CRTAC1: variants seen among roughly 807,000 people sequenced by gnomAD.
CRTAC1 encodes the protein acidic secreted protein in cartilage.
In CRTAC1, 37 loss-of-function variants were observed where a neutral mutation model predicts 67.8. The ratio of observed to expected loss-of-function variants is 0.55; its 90% CI spans 0.42 to 0.72. CRTAC1 has a LOEUF of 0.72. Ranked by LOEUF, CRTAC1 falls within the 30% of genes least tolerant of loss-of-function variation. The pLI, the probability that CRTAC1 is intolerant of heterozygous loss-of-function variation, is 0.00. For synonymous variants in CRTAC1, 348 were observed against 371.0 expected, an observed-to-expected ratio of 0.94 and a Z score of 0.71; for missense variants, 780 against 931.6, an observed-to-expected ratio of 0.84 and a Z score of 2.12.
intron 2 of CRTAC1, among the ~76,000 whole-genome samples, chr10:97,988,447 T>A (rs1261134955): frequency 6.6e-6 from 1 of 152,002 alleles, no homozygotes; most frequent in Non-Finnish European, 1.5e-5. Context: ...GGTGGCTGGG[T>A]GTGGTGGCTC....
chr10:97,988,311 T>C (rs1262577909), intron 2 of CRTAC1, among the ~76,000 whole-genome samples: 1 of 151,678 alleles, frequency 6.6e-6, no homozygotes, highest in Non-Finnish European at 1.5e-5. Flanking sequence ...ATCAAAAGAG[T>C]TCTGACTAAT....
intron 11 of CRTAC1, among the ~76,000 whole-genome samples, chr10:97,885,580 C>T (rs1340986902): frequency 6.6e-6 from 1 of 152,220 alleles, no homozygotes; most frequent in East Asian, 1.9e-4. Context: ...CAGGCCCCAG[C>T]TCCCCGCGTA....
intron 2 of CRTAC1, among the ~76,000 whole-genome samples, chr10:97,998,960 A>G (rs1842636706): frequency 6.6e-6 from 1 of 152,214 alleles, no homozygotes; most frequent in Non-Finnish European, 1.5e-5. Context: ...ACAAAAGTAG[A>G]GGTATAAATC....
chr10:97,926,029 G>A (rs1051359775), intron 3 of CRTAC1, among the ~76,000 whole-genome samples: 1 of 152,156 alleles, frequency 6.6e-6, no homozygotes, highest in Non-Finnish European at 1.5e-5. Context: ...CGACAGCAGG[G>A]AACCGGCACC....
chr10:97,946,435 G>A (rs946613841), intron 2 of CRTAC1, among the ~76,000 whole-genome samples: 1 of 152,124 alleles, frequency 6.6e-6, no homozygotes, highest in African/African-American at 2.4e-5. Context: ...TCACATCTCA[G>A]CTTCAGGACC....
intron 2 of CRTAC1, among the ~76,000 whole-genome samples, chr10:98,007,288 G>A (rs1230189026): frequency 2.0e-5 from 3 of 152,096 alleles, no homozygotes; most frequent in Non-Finnish European, 4.4e-5. Flanking sequence ...GGCAAGGGGT[G>A]GACCAAATGA....
chr10:98,030,302 G>T lies in CRTAC1; in HGVS notation c.24+147C>A. The T allele has an allele frequency of 2.1e-6, 1 of 475,860 alleles. No individual in the cohort carries two copies. Among genetic ancestry groups the T allele is most frequent in the Non-Finnish European group, 3.4e-6 (1 of 291,054 alleles). 29.5% of individuals were successfully genotyped at this position (475,860 alleles called of 1,614,324 possible). A position where few individuals can be genotyped will look rare whatever the true frequency, so the allele number is the denominator to read the frequency against. Reference sequence around the variant, plus strand: ...GAGTCCAGCGCCTCCCAGCAAGTTAGGAGCGAAGCCGCCGCCTTCGCGATC... The same window carrying T: ...GAGTCCAGCGCCTCCCAGCAAGTTATGAGCGAAGCCGCCGCCTTCGCGATC... On this transcript the variant is annotated intron_variant, in intron 1 of 14. Transcript: ENST00000370597. The surrounding 1 kb of genome is among the most constrained non-coding windows in gnomAD (Gnocchi z 4.2).
chr10:97,944,413 CA>C (rs2051230605), intron 2 of CRTAC1, among the ~76,000 whole-genome samples: 1 of 148,532 alleles, frequency 6.7e-6, no homozygotes, highest in Non-Finnish European at 1.5e-5. Context: ...GCCTGGGCAA[CA>C]AGAGTGAAAC....
At chr10:97,939,293 C>T (rs770202755) in intron 2 of CRTAC1, among the ~76,000 whole-genome samples, 1 of 152,192 alleles carries the variant, frequency 6.6e-6, no homozygotes, top group South Asian at 2.1e-4. Flanking sequence ...GGCCCCGGCT[C>T]TCTTCTTTAA....
chr10:97,990,018 T>C (rs1842413583), intron 2 of CRTAC1, among the ~76,000 whole-genome samples: 2 of 152,276 alleles, frequency 1.3e-5, no homozygotes, highest in South Asian at 4.1e-4. Context: ...CCCATTTTTA[T>C]GACAGTACAT....
At chr10:97,914,137 G>A (rs187215914) in intron 5 of CRTAC1, among the ~76,000 whole-genome samples, 2 of 152,322 alleles carry the variant, frequency 1.3e-5, no homozygotes, top group East Asian at 1.9e-4. Context: ...GGGGAGGCAG[G>A]GCAGGCAGGA....
At chr10:97,995,227 G>A (rs939041413) in intron 2 of CRTAC1, among the ~76,000 whole-genome samples, 1 of 152,112 alleles carries the variant, frequency 6.6e-6, no homozygotes, top group African/African-American at 2.4e-5. Flanking sequence ...ACAGTCCAAG[G>A]ACCACAGTCT....
chr10:97,961,132 C>T (rs549128874), intron 2 of CRTAC1, among the ~76,000 whole-genome samples: 2 of 152,270 alleles, frequency 1.3e-5, no homozygotes, highest in South Asian at 4.1e-4. Flanking sequence ...GTAATGGCCA[C>T]GTGTGAGCCT....
intron 2 of CRTAC1, among the ~76,000 whole-genome samples, chr10:97,990,083 T>C (rs1842414634): frequency 1.3e-5 from 2 of 152,362 alleles, no homozygotes; most frequent in South Asian, 4.1e-4. Flanking sequence ...ACGATACCTT[T>C]TAATGTTAAA....
At chr10:98,013,185 G>A (rs769096356) in intron 1 of CRTAC1, among the ~76,000 whole-genome samples, 2 of 152,198 alleles carry the variant, frequency 1.3e-5, no homozygotes, top group African/African-American at 2.4e-5. Context: ...AAATCCAATT[G>A]ACTGGCAGTG....
At chr10:97,918,071 T>C (rs368065617) in intron 4 of CRTAC1, among the ~76,000 whole-genome samples, 12 of 152,086 alleles carry the variant, frequency 7.9e-5, no homozygotes, top group African/African-American at 2.9e-4. Context: ...AGTCTCTCTC[T>C]CCCATTCAAG....
intron 14 of CRTAC1, among the ~76,000 whole-genome samples, chr10:97,873,610 G>T (rs2050115547): frequency 6.6e-6 from 1 of 152,152 alleles, no homozygotes; most frequent in African/African-American, 2.4e-5. Flanking sequence ...AGGGAGGGAA[G>T]TTAGCCCTTA....
intron 2 of CRTAC1, among the ~76,000 whole-genome samples, chr10:98,005,345 T>C (rs963758744): frequency 3.3e-5 from 5 of 150,858 alleles, no homozygotes; most frequent in African/African-American, 1.2e-4. Flanking sequence ...CCTCAGGTGA[T>C]CCACCTGCCT....
intron 1 of CRTAC1, among the ~76,000 whole-genome samples, chr10:98,024,345 G>A (rs539145272): frequency 2.0e-4 from 31 of 152,322 alleles, no homozygotes; most frequent in African/African-American, 5.5e-4. Context: ...CCTTGGAAGA[G>A]CTCTTTAAGA....
Sources: allele counts gnomAD v4.1 joint callset (sites outside exome capture counted in the v4.1 genomes callset), GRCh38; gene constraint gnomAD v4.1.1; non-coding constraint Gnocchi (gnomAD v3.1); transcripts MANE v1.5; gene names NCBI Gene and HGNC (gene_info 2026-07-23, HGNC 2026-07-21).